CDH12: variants seen among roughly 807,000 people sequenced by gnomAD.
CDH12 encodes the protein cadherin-12.
A neutral mutation model predicts 74.1 loss-of-function variants in CDH12; 41 were observed. The ratio of observed to expected loss-of-function variants is 0.55; its 90% CI spans 0.43 to 0.72. The LOEUF (loss-of-function observed/expected upper bound fraction) is 0.72, where lower values mean the gene tolerates loss of function less well. Among genes scored for constraint, CDH12 ranks in the 30% least tolerant of loss-of-function variants. CDH12 has a pLI of 0.00. For missense variants in CDH12, 945 were observed against 977.2 expected, an observed-to-expected ratio of 0.97 and a Z score of 0.44; for synonymous variants, 399 against 355.0, an observed-to-expected ratio of 1.12 and a Z score of -1.39.
intron 1 of CDH12, among the ~76,000 whole-genome samples, chr5:22,777,442 C>G (rs528297465): frequency 4.9e-4 from 75 of 152,004 alleles, no homozygotes; most frequent in African/African-American, 1.7e-3. Flanking sequence ...AATTTTGGGT[C>G]TGGATTATTT....
At chr5:22,581,053 A>G (rs549306894) in intron 1 of CDH12, among the ~76,000 whole-genome samples, 64 of 152,228 alleles carry the variant, frequency 4.2e-4, no homozygotes, top group African/African-American at 1.5e-3. Flanking sequence ...AATGCAATAG[A>G]AAAAAAATCC....
chr5:22,012,119 G>A (rs189591667), intron 5 of CDH12, among the ~76,000 whole-genome samples: 1 of 141,036 alleles, frequency 7.1e-6, no homozygotes, highest in Admixed American at 7.0e-5. Context: ...AATTATTAAC[G>A]ATTGATTTAA....
rs192959796 is a variant in CDH12, at chr5:21,957,120, T to C, written c.526+17971A>G. On this transcript the variant is annotated intron_variant, in intron 6 of 14. Coordinates refer to ENST00000382254, the MANE Select transcript of CDH12 (RefSeq NM_004061.5). ...TGCTGTTCCATTCTTTGTGTCCATGTGTTCTCATAATTTAGTTCCCCACTT... is the reference window on the plus strand; with the variant it reads ...TGCTGTTCCATTCTTTGTGTCCATGCGTTCTCATAATTTAGTTCCCCACTT... 4.8e-3 allele frequency among the ~76,000 whole-genome samples: 737 copies of C among 152,292 alleles called. 10 individuals carry two copies. Among genetic ancestry groups the C allele is most frequent in the African/African-American group, 0.017 (687 of 41,572 alleles).
In CDH12 at chr5:21,842,224, C is replaced by T. The variant is rs777335173; in HGVS notation, c.751G>A (p.Gly251Arg). ...DMGGQLGGLA[G>R]TTIVNITLTD... Reference sequence around the variant, plus strand: ...AGAGTGATGTTGACTATTGTTGTTCCGGCTAATCCTCCAAGCTGTCCTCCC... The same window carrying T: ...AGAGTGATGTTGACTATTGTTGTTCTGGCTAATCCTCCAAGCTGTCCTCCC... Residue 251 changes from glycine to arginine, a missense_variant, in exon 8 of 15, where the codon GGA becomes AGA. Coordinates refer to ENST00000382254, the MANE Select transcript of CDH12 (RefSeq NM_004061.5). The T allele has an allele frequency of 1.4e-5, 22 of 1,613,220 alleles. No individual in the cohort carries two copies. Among genetic ancestry groups the T allele is most frequent in the Middle Eastern group, 3.3e-4 (2 of 6,070 alleles).
intron 5 of CDH12, among the ~76,000 whole-genome samples, chr5:22,075,212 A>G (rs1016504220): frequency 2.1e-4 from 31 of 151,154 alleles, no homozygotes; most frequent in African/African-American, 6.3e-4. Flanking sequence ...TCGCAAGGAC[A>G]AAAAACCAAA....
At chr5:22,836,946 C>T (rs940929174) in intron 1 of CDH12, among the ~76,000 whole-genome samples, 1 of 152,130 alleles carries the variant, frequency 6.6e-6, no homozygotes, top group Admixed American at 6.6e-5. Context: ...TAAATTGAAG[C>T]TAAAGAAGAA....
At chr5:21,935,764 C>G (rs1348966383) in intron 6 of CDH12, among the ~76,000 whole-genome samples, 2 of 152,168 alleles carry the variant, frequency 1.3e-5, no homozygotes, top group African/African-American at 4.8e-5. Flanking sequence ...CCTTCTCAGC[C>G]TGTTAACCTT....
chr5:22,422,134 G>A (rs1368509757), intron 2 of CDH12, among the ~76,000 whole-genome samples: 1 of 152,132 alleles, frequency 6.6e-6, no homozygotes. Flanking sequence ...AGTGGTGAGA[G>A]AGGGCATTTT....
rs547950670 is a variant in CDH12, at chr5:22,754,698, G to A, written c.-523+98360C>T. On this transcript the variant is annotated intron_variant, in intron 1 of 14. Coordinates refer to ENST00000382254, the MANE Select transcript of CDH12 (RefSeq NM_004061.5). ...GGGAAAGTGACGGAGCAATACATGA[G>A]TCTGTAATGAGTGGTAAGATTTTAG... 2.6e-5 allele frequency among the ~76,000 whole-genome samples: 4 copies of A among 152,190 alleles called. No homozygotes were observed. The East Asian group carries it at 7.7e-4, about 29-fold the overall frequency.
At chr5:21,995,518 T>A (rs1189851818) in intron 5 of CDH12, among the ~76,000 whole-genome samples, 1 of 151,986 alleles carries the variant, frequency 6.6e-6, no homozygotes, top group East Asian at 1.9e-4. Flanking sequence ...AAGCATTTTT[T>A]AAAACAGGGG....
In CDH12 at chr5:22,377,309, A is replaced by G. The variant is rs74633555; in HGVS notation, c.-333+27948T>C. Reference sequence around the variant, plus strand: ...ATTGGTTCAAGAAAATAGAATAGCCATTGACAGCAACAGAGTTTATAAAAG... The same window carrying G: ...ATTGGTTCAAGAAAATAGAATAGCCGTTGACAGCAACAGAGTTTATAAAAG... On this transcript the variant is annotated intron_variant, in intron 3 of 14. Coordinates refer to ENST00000382254, the MANE Select transcript of CDH12 (RefSeq NM_004061.5). 1.5e-3 allele frequency among the ~76,000 whole-genome samples: 226 copies of G among 152,352 alleles called. 2 individuals carry two copies. Among genetic ancestry groups the G allele is most frequent in the Non-Finnish European group, 2.2e-3 (153 of 68,030 alleles).
chr5:22,261,332 C>G (rs1159981891), intron 3 of CDH12, among the ~76,000 whole-genome samples: 1 of 151,408 alleles, frequency 6.6e-6, no homozygotes, highest in African/African-American at 2.4e-5. Flanking sequence ...GATTTATTTC[C>G]CATCACCATT....
chr5:22,506,721 G>C (rs572968530), intron 1 of CDH12, among the ~76,000 whole-genome samples: 1 of 152,076 alleles, frequency 6.6e-6, no homozygotes, highest in Non-Finnish European at 1.5e-5. Context: ...CCCTCTCAGT[G>C]AAGTGAGCTG....
At chr5:22,837,059 C>G (rs1411743823) in intron 1 of CDH12, among the ~76,000 whole-genome samples, 1 of 151,970 alleles carries the variant, frequency 6.6e-6, no homozygotes, top group African/African-American at 2.4e-5. Flanking sequence ...ATTTAGTGAC[C>G]TAATATATAA....
In CDH12 at chr5:22,408,809, CT is replaced by C. The variant is rs1446134437; in HGVS notation, c.-427-3459del. Among the ~76,000 whole-genome samples the C allele has an allele frequency of 3.4e-5, 5 of 146,498 alleles. No homozygotes were observed. The East Asian group carries it at 1.0e-3, about 30-fold the overall frequency. ...ACCTAAAATAATAAAATCAATTATACTACTAAATCAATTCTTCTATCTTCAT... is the reference window on the plus strand; with the variant it reads ...ACCTAAAATAATAAAATCAATTATACACTAAATCAATTCTTCTATCTTCAT... On this transcript the variant is annotated intron_variant, in intron 2 of 14. Transcript: ENST00000382254.
chr5:22,828,516 T>C (rs1736441555), intron 1 of CDH12, among the ~76,000 whole-genome samples: 1 of 152,296 alleles, frequency 6.6e-6, no homozygotes, highest in Admixed American at 6.5e-5. Flanking sequence ...AAGGGATAGT[T>C]AACAACCTGA....
In CDH12 at chr5:21,981,742, C is replaced by A. The variant is rs543711501; in HGVS notation, c.232-6357G>T. Among the ~76,000 whole-genome samples, 8 of 152,290 alleles carry A rather than the reference C, an allele frequency of 5.3e-5. No individual in the cohort carries two copies. The East Asian group carries it at 1.5e-3, about 29-fold the overall frequency. Reference sequence around the variant, plus strand: ...TGTGGCCCAAGCTACAGTGCAGTGGCACAATCTCAGCTCACTGCAGCCCCT... The same window carrying A: ...TGTGGCCCAAGCTACAGTGCAGTGGAACAATCTCAGCTCACTGCAGCCCCT... On this transcript the variant is annotated intron_variant, in intron 5 of 14. Coordinates refer to ENST00000382254, the MANE Select transcript of CDH12 (RefSeq NM_004061.5).
rs148849762 is a variant in CDH12 at position 22,807,201 on chromosome 5, T to A, written c.-523+45857A>T. Among the ~76,000 whole-genome samples the A allele has an allele frequency of 2.6e-5, 4 of 152,306 alleles. No homozygotes were observed. The East Asian group carries it at 7.7e-4, about 29-fold the overall frequency. Reference sequence around the variant, plus strand: ...AACATAATTCTAATTAGGTTAGATATTTACATAATTGTGGCATGCATATGG... The same window carrying A: ...AACATAATTCTAATTAGGTTAGATAATTACATAATTGTGGCATGCATATGG... On this transcript the variant is annotated intron_variant, in intron 1 of 14. Coordinates refer to ENST00000382254, the MANE Select transcript of CDH12 (RefSeq NM_004061.5).
At chr5:22,654,627 GTTT>G (rs58293821) in intron 1 of CDH12, among the ~76,000 whole-genome samples, 1 of 143,586 alleles carries the variant, frequency 7.0e-6, no homozygotes, top group Non-Finnish European at 1.5e-5. Flanking sequence ...TTGTTTGCTT[GTTT>G]TTTTTTTGTT....
Sources: allele counts gnomAD v4.1 joint callset (sites outside exome capture counted in the v4.1 genomes callset), GRCh38; gene constraint gnomAD v4.1.1; transcripts MANE v1.5; gene names NCBI Gene and HGNC (gene_info 2026-07-23, HGNC 2026-07-21).